The following OR51B5 variants were observed in gnomAD, a reference collection of about 807,000 sequenced individuals.
OR51B5 encodes the protein olfactory receptor 51B5.
For missense variants in OR51B5, 456 were observed against 374.6 expected (o/e 1.22, Z -1.79); for synonymous variants, 186 against 144.8 (o/e 1.28, Z -2.04).
intron 1 of OR51B5, among the ~76,000 whole-genome samples, chr11:5,377,058 T>G (rs1462574937): frequency 2.0e-5 from 3 of 152,180 alleles, no homozygotes; most frequent in African/African-American, 7.2e-5. Context: ...GCAAAAATCC[T>G]CAATAAAATA....
chr11:5,457,907 G>A (rs1263777956), intron 1 of OR51B5, among the ~76,000 whole-genome samples: 1 of 152,112 alleles, frequency 6.6e-6, no homozygotes, highest in Non-Finnish European at 1.5e-5. Flanking sequence ...CTCCCATTCT[G>A]TATGTTGTCT....
intron 1 of OR51B5, among the ~76,000 whole-genome samples, chr11:5,364,317 A>C (rs1452516203): frequency 6.6e-6 from 1 of 152,170 alleles, no homozygotes; most frequent in Non-Finnish European, 1.5e-5. Flanking sequence ...TCACAAAACC[A>C]TTGGAATTTG....
intron 1 of OR51B5, among the ~76,000 whole-genome samples, chr11:5,360,518 T>C (rs1429274613): frequency 1.3e-5 from 2 of 151,500 alleles, no homozygotes; most frequent in African/African-American, 4.9e-5. Context: ...TGTGAAGAAG[T>C]AGGAACACTT....
At chr11:5,422,439 T>C (rs1850355710) in intron 1 of OR51B5, 1 of 1,614,220 alleles carries the variant, frequency 6.2e-7, no homozygotes, top group Non-Finnish European at 8.5e-7. Flanking sequence ...CTCACCACCC[T>C]ACCCACAGTC....
At chr11:5,405,362 C>T (rs1164818127) in intron 1 of OR51B5, among the ~76,000 whole-genome samples, 1 of 152,008 alleles carries the variant, frequency 6.6e-6, no homozygotes, top group Non-Finnish European at 1.5e-5. Flanking sequence ...GCTCTTAATG[C>T]CTAAATTATG....
At chr11:5,423,786 T>C (rs570350349) in intron 1 of OR51B5, among the ~76,000 whole-genome samples, 1 of 152,364 alleles carries the variant, frequency 6.6e-6, no homozygotes, top group East Asian at 1.9e-4. Flanking sequence ...AATAAACATA[T>C]GCAAGAAGTC....
chr11:5,390,335 C>T (rs760638055), intron 1 of OR51B5: 5 of 1,611,842 alleles, frequency 3.1e-6, no homozygotes, highest in African/African-American at 1.3e-5. Flanking sequence ...GGAGATCCAC[C>T]GTGCCATTAT....
chr11:5,503,177 C>T (rs1846322187), intron 1 of OR51B5, among the ~76,000 whole-genome samples: 1 of 152,068 alleles, frequency 6.6e-6, no homozygotes, highest in Non-Finnish European at 1.5e-5. Context: ...TACATACATA[C>T]AAATTATTAG....
chr11:5,417,387 A>G (rs1356902203), intron 1 of OR51B5, among the ~76,000 whole-genome samples: 1 of 152,136 alleles, frequency 6.6e-6, no homozygotes, highest in African/African-American at 2.4e-5. Flanking sequence ...CAGGTCTAAA[A>G]CACCAAAAGC....
intron 1 of OR51B5, among the ~76,000 whole-genome samples, chr11:5,488,225 G>T (rs930139267): frequency 1.3e-5 from 2 of 152,124 alleles, no homozygotes; most frequent in African/African-American, 4.8e-5. Flanking sequence ...CAAAATTAGA[G>T]ATTACCAAGA....
intron 1 of OR51B5, among the ~76,000 whole-genome samples, chr11:5,364,704 G>A (rs1564922685): frequency 6.6e-6 from 1 of 152,088 alleles, no homozygotes. Flanking sequence ...TAAGCTGTTT[G>A]CCCATCCAGC....
At chr11:5,366,484 C>T (rs780705602) in intron 1 of OR51B5, among the ~76,000 whole-genome samples, 2 of 152,058 alleles carry the variant, frequency 1.3e-5, no homozygotes, top group Non-Finnish European at 2.9e-5. Context: ...TGGCAGATGC[C>T]TGTAATTGCA....
intron 1 of OR51B5, among the ~76,000 whole-genome samples, chr11:5,398,699 T>C (rs1279185089): frequency 8.8e-6 from 1 of 113,420 alleles, no homozygotes; most frequent in East Asian, 2.3e-4. Context: ...CCCCATGCAG[T>C]TCTCGTGATA....
chr11:5,411,709 T>A lies in OR51B5; in HGVS notation n.85-64799A>T, dbSNP rs564284989. Among the ~76,000 whole-genome samples the A allele has an allele frequency of 2.0e-5, 3 of 152,312 alleles. No homozygotes were observed. The South Asian group carries it at 6.2e-4, about 32-fold the overall frequency. ...GGTTGCTGATCAGCAAACCTTAAAA[T>A]AAGGTGAAAGTCCTGCATAATCAAG... On this transcript the variant is annotated intron_variant and non_coding_transcript_variant, in intron 1 of 4. Transcript: ENST00000415970.
intron 1 of OR51B5, among the ~76,000 whole-genome samples, chr11:5,381,654 C>T (rs1306715579): frequency 3.3e-5 from 5 of 152,158 alleles, no homozygotes; most frequent in Non-Finnish European, 7.3e-5. Context: ...TAATGCACGT[C>T]AATGAAAATT....
At chr11:5,342,028 C>T (rs986172876), downstream of OR51B5, among the ~76,000 whole-genome samples, 16 of 152,048 alleles carry the variant, frequency 1.1e-4, no homozygotes, top group African/African-American at 3.9e-4. Flanking sequence ...GAGGAGGAAC[C>T]AACTAGACTG....
intron 1 of OR51B5, chr11:5,454,762 G>T: frequency 5.8e-6 from 1 of 173,322 alleles, no homozygotes; most frequent in Non-Finnish European, 1.2e-5. Context: ...AATGTATCAA[G>T]TACTATTATA....
intron 1 of OR51B5, among the ~76,000 whole-genome samples, chr11:5,416,402 A>T (rs1850244117): frequency 6.6e-6 from 1 of 152,178 alleles, no homozygotes; most frequent in East Asian, 1.9e-4. Context: ...CCCCTATTCA[A>T]CATAGTGTTG....
At chr11:5,382,064 A>AT (rs1305893026) in intron 1 of OR51B5, among the ~76,000 whole-genome samples, 1 of 152,176 alleles carries the variant, frequency 6.6e-6, no homozygotes, top group African/African-American at 2.4e-5. Context: ...GGAAAATATG[A>AT]TTGTTATCTC....
Sources: allele counts gnomAD v4.1 joint callset (sites outside exome capture counted in the v4.1 genomes callset), GRCh38; gene constraint gnomAD v4.1.1; transcripts MANE v1.5; gene names NCBI Gene and HGNC (gene_info 2026-07-23, HGNC 2026-07-21).